Variants in TOM1L2 observed in about 807,000 individuals in gnomAD.
TOM1L2 encodes TOM1-like protein 2.
In TOM1L2, 31 loss-of-function variants were observed where a neutral mutation model predicts 67.9. The observed-to-expected ratio is 0.46, with a 90% confidence interval of 0.34 to 0.62. The LOEUF (loss-of-function observed/expected upper bound fraction) is 0.62, where lower values mean the gene tolerates loss of function less well. TOM1L2 is among the 20% of genes least tolerant of loss of function. TOM1L2 has a pLI of 0.01. For synonymous variants in TOM1L2, 256 were observed against 254.0 expected, an observed-to-expected ratio of 1.01 and a Z score of -0.07; for missense variants, 606 against 663.5, an observed-to-expected ratio of 0.91 and a Z score of 0.95.
chr17:17,862,533 T>G, intron 11 of TOM1L2, 198 bp downstream of exon 11: 1 of 584,360 alleles, frequency 1.7e-6, no homozygotes, highest in Non-Finnish European at 3.1e-6. Context: ...GTGTGTGTGT[T>G]TGGGGGGGTG....
At chr17:17,862,609 G>T in intron 11 of TOM1L2, 122 bp downstream of exon 11, 3 of 808,144 alleles carry the variant, frequency 3.7e-6, no homozygotes, top group Non-Finnish European at 6.1e-6. Context: ...TTACAGCCAT[G>T]CTTTAAAGTT....
intron 7 of TOM1L2, among the ~76,000 whole-genome samples, chr17:17,877,899 A>G (rs150494085): frequency 6.7e-6 from 1 of 149,792 alleles, no homozygotes; most frequent in Non-Finnish European, 1.5e-5. Context: ...AAAATCCCAA[A>G]CCCCCTCTCC....
chr17:17,969,034 G>A (rs1397183131), intron 1 of TOM1L2, among the ~76,000 whole-genome samples: 1 of 151,506 alleles, frequency 6.6e-6, no homozygotes, highest in Non-Finnish European at 1.5e-5. Context: ...TTGAGGACAG[G>A]GATCAGAGAG....
At chr17:17,909,113 G>A (rs1321153995) in intron 1 of TOM1L2, among the ~76,000 whole-genome samples, 6 of 152,138 alleles carry the variant, frequency 3.9e-5, no homozygotes, top group Middle Eastern at 3.2e-3. Flanking sequence ...CCCAGGAGGC[G>A]GAGCTTGCAG....
At chr17:17,912,731 A>G (rs944769456) in intron 1 of TOM1L2, among the ~76,000 whole-genome samples, 15 of 149,526 alleles carry the variant, frequency 1.0e-4, no homozygotes, top group East Asian at 2.0e-4. Flanking sequence ...GGCTCCTCAC[A>G]TCCCAGACGA....
chr17:17,875,415 T>G (rs777176892), intron 7 of TOM1L2, among the ~76,000 whole-genome samples: 77 of 152,164 alleles, frequency 5.1e-4, no homozygotes, highest in Non-Finnish European at 9.8e-4. Flanking sequence ...CTTGGGAGAC[T>G]TTCCTCTGCT....
chr17:17,934,371 C>G (rs897863542), intron 1 of TOM1L2, among the ~76,000 whole-genome samples: 1 of 151,960 alleles, frequency 6.6e-6, no homozygotes, highest in South Asian at 2.1e-4. Flanking sequence ...CACTTGAGCC[C>G]GGGGATCAAG....
At chr17:17,957,974 T>TA (rs2041532315) in intron 1 of TOM1L2, among the ~76,000 whole-genome samples, 1 of 151,584 alleles carries the variant, frequency 6.6e-6, no homozygotes, top group Admixed American at 6.6e-5. Context: ...CCTGTAGTCC[T>TA]AGCTATTCAG....
intron 1 of TOM1L2, among the ~76,000 whole-genome samples, chr17:17,947,208 G>A (rs543589666): frequency 1.9e-3 from 283 of 152,030 alleles, no homozygotes; most frequent in African/African-American, 6.3e-3. Flanking sequence ...GTTTTATACG[G>A]TGGGGGGGTC....
intron 10 of TOM1L2, 90 bp from the exon 11 acceptor site, chr17:17,862,938 GT>G: frequency 8.9e-6 from 6 of 676,264 alleles, no homozygotes; most frequent in South Asian, 4.9e-5. Context: ...CGCCAGCCAG[GT>G]GGGTTTAGGT....
intron 13 of TOM1L2, 126 bp downstream of exon 13, chr17:17,850,767 C>A: frequency 9.6e-7 from 1 of 1,038,530 alleles, no homozygotes; most frequent in East Asian, 2.4e-5. Flanking sequence ...GGAGCTTGCC[C>A]AGACCTCCCT....
intron 4 of TOM1L2, 92 bp downstream of exon 4, chr17:17,893,569 T>C: frequency 3.3e-6 from 4 of 1,216,340 alleles, no homozygotes; most frequent in South Asian, 1.7e-5. Flanking sequence ...CCATTTTTTT[T>C]TTCCTCCAAA....
At chr17:17,903,403 C>T (rs112567095) in intron 2 of TOM1L2, among the ~76,000 whole-genome samples, 7,465 of 152,044 alleles carry the variant, frequency 0.049, 521 homozygotes, top group African/African-American at 0.15. Flanking sequence ...GCGGGCGGAT[C>T]ACGAGGTAAG....
At chr17:17,896,718 G>A (rs915952288) in intron 3 of TOM1L2, among the ~76,000 whole-genome samples, 6 of 152,176 alleles carry the variant, frequency 3.9e-5, no homozygotes, top group African/African-American at 1.4e-4. Flanking sequence ...GAAAGTAAAC[G>A]GGGCCTCTAA....
Position 17,972,338 on chromosome 17 carries a change from C to T in TOM1L2, c.-25G>A. On this transcript the variant is annotated 5_prime_UTR_variant, in exon 1 of 15. Transcript: ENST00000379504. ...TCTTGGGTGGACAACACGCAGCGGC[C>T]CGGGCCCCCTGTCTGCCACCTAGGC... 1 of 1,549,410 alleles carries T rather than the reference C, an allele frequency of 6.5e-7. No individual in the cohort carries two copies.
At chr17:17,923,865 C>T (rs757939533) in intron 1 of TOM1L2, among the ~76,000 whole-genome samples, 2 of 151,868 alleles carry the variant, frequency 1.3e-5, no homozygotes, top group African/African-American at 2.4e-5. Context: ...AGGCCGGGCG[C>T]GGTGGCTGTC....
At position 17,847,382 on chromosome 17, in the gene TOM1L2, G is replaced by A. The variant is rs536051627; in HGVS notation, c.*253C>T. 5.6e-6 allele frequency: 3 copies of A among 540,034 alleles called. No homozygotes were observed. Among genetic ancestry groups the A allele is most frequent in the East Asian group, 6.8e-5 (2 of 29,448 alleles). The allele number at this position is 540,034 out of a possible 1,614,324, so 33.5% of individuals were successfully genotyped here. ...GCCACTCTGCCCGCTCTTCCTGGGA[G>A]GAAACATGGGCAGAGGGGCCCATGG... On this transcript the variant is annotated 3_prime_UTR_variant, in exon 15 of 15. Coordinates refer to ENST00000379504, the MANE Select transcript of TOM1L2 (RefSeq NM_001082968.2).
At chr17:17,935,619 G>T (rs1208270118) in intron 1 of TOM1L2, among the ~76,000 whole-genome samples, 1 of 152,026 alleles carries the variant, frequency 6.6e-6, no homozygotes, top group Non-Finnish European at 1.5e-5. Flanking sequence ...CTGGTCCCAG[G>T]GACCCAGGGC....
intron 1 of TOM1L2, among the ~76,000 whole-genome samples, chr17:17,917,579 G>A (rs2037838854): frequency 6.8e-6 from 1 of 146,914 alleles, no homozygotes; most frequent in African/African-American, 2.5e-5. Flanking sequence ...GAATACATGT[G>A]CATGCCACCA....
Sources: allele counts gnomAD v4.1 joint callset (sites outside exome capture counted in the v4.1 genomes callset), GRCh38; gene constraint gnomAD v4.1.1; transcripts MANE v1.5; gene names NCBI Gene and HGNC (gene_info 2026-07-23, HGNC 2026-07-21).